NECTIN3: variants seen among roughly 807,000 people sequenced by gnomAD.
NECTIN3 encodes nectin cell adhesion molecule 3, also known as nectin-3.
NECTIN3 carries 8 observed loss-of-function variants against 49.4 expected under a neutral mutation model. That is an observed-to-expected ratio of 0.16 (90% CI 0.10 to 0.29). The LOEUF (loss-of-function observed/expected upper bound fraction) is 0.29, where lower values mean the gene tolerates loss of function less well. Among genes scored for constraint, NECTIN3 ranks in the 10% least tolerant of loss-of-function variants. The pLI is 1.00. For missense variants in NECTIN3, 581 were observed against 654.6 expected (o/e 0.89, Z 1.23); for synonymous variants, 277 against 241.1 (o/e 1.15, Z -1.38).
At position 111,134,061 on chromosome 3, in the gene NECTIN3, A is replaced by G; in HGVS notation, c.1496A>G (p.Glu499Gly). Residue 499 changes from glutamate to glycine, a missense_variant, in exon 6 of 6, where the codon GAA becomes GGA. Coordinates refer to ENST00000485303, the MANE Select transcript of NECTIN3 (RefSeq NM_015480.3). ...EPEKTQWNNVENLNRFERPMD... is the reference protein window; with the variant it reads ...EPEKTQWNNVGNLNRFERPMD... Reference sequence around the variant, plus strand: ...GAAAAAACTCAGTGGAACAATGTAGAAAATCTCAATAGGTTTGAAAGACCA... The same window carrying G: ...GAAAAAACTCAGTGGAACAATGTAGGAAATCTCAATAGGTTTGAAAGACCA... The G allele has an allele frequency of 2.5e-6, 4 of 1,613,652 alleles. No individual in the cohort carries two copies. Among genetic ancestry groups the G allele is most frequent in the Non-Finnish European group, 3.4e-6 (4 of 1,179,700 alleles).
chr3:111,137,307 T>C lies in NECTIN3; in HGVS notation c.*3092T>C, dbSNP rs2034614123. 1.0e-6 allele frequency: 1 copy of C among 970,612 alleles called. No individual in the cohort carries two copies. The highest frequency in any genetic ancestry group is 1.2e-6 in the Non-Finnish European group (1 of 816,744). 60.1% of individuals were successfully genotyped at this position (970,612 alleles called of 1,614,324 possible). The stretch of plus-strand genomic sequence containing the variant: ...AGAGTAGATTGTAGATTGAATTGTC[T>C]TTCCTGTTTACTTGTTAATTAGAAA... On this transcript the variant is annotated 3_prime_UTR_variant, in exon 6 of 6. Coordinates refer to ENST00000485303, the MANE Select transcript of NECTIN3 (RefSeq NM_015480.3).
At chr3:111,174,749 T>C (rs889623321) in intron 7 of NECTIN3, among the ~76,000 whole-genome samples, 4 of 149,280 alleles carry the variant, frequency 2.7e-5, no homozygotes, top group East Asian at 4.1e-4. Context: ...GGGGCGAGCA[T>C]GCAGACAGAC....
chr3:111,181,536 G>A (rs1183868500), intron 7 of NECTIN3, among the ~76,000 whole-genome samples: 1 of 152,044 alleles, frequency 6.6e-6, no homozygotes, highest in East Asian at 1.9e-4. Context: ...TAAGAGCAGT[G>A]TTATTCCTTC....
chr3:111,087,161 C>T (rs1389299992), intron 1 of NECTIN3, among the ~76,000 whole-genome samples: 1 of 152,096 alleles, frequency 6.6e-6, no homozygotes, highest in Non-Finnish European at 1.5e-5. Context: ...TCTATATAAG[C>T]ATGCCATCTA....
Position 111,134,975 on chromosome 3 carries a change from GT to G in NECTIN3, c.*771del, listed in dbSNP as rs573763921. 14,551 of 795,682 alleles carry G rather than the reference GT, an allele frequency of 0.018. 1,265 individuals are homozygous for G. In the African/African-American group the frequency reaches 0.23, roughly 12 times the overall value. 49.3% of individuals were successfully genotyped at this position (795,682 alleles called of 1,614,324 possible). The stretch of plus-strand genomic sequence containing the variant: ...TACCTTTCAAACATGATAATTATTA[GT>G]TTTTTTTTTTCCTTTCTGGAACATG... On this transcript the variant is annotated 3_prime_UTR_variant, in exon 6 of 6. Coordinates refer to ENST00000485303, the MANE Select transcript of NECTIN3 (RefSeq NM_015480.3).
At chr3:111,147,809 T>G (rs988819898) in intron 7 of NECTIN3, among the ~76,000 whole-genome samples, 1 of 152,190 alleles carries the variant, frequency 6.6e-6, no homozygotes, top group Non-Finnish European at 1.5e-5. Flanking sequence ...GTTAATACAG[T>G]TTTATTGACA....
chr3:111,115,510 C>T (rs140371763), intron 2 of NECTIN3, among the ~76,000 whole-genome samples: 93 of 152,300 alleles, frequency 6.1e-4, no homozygotes, highest in Non-Finnish European at 6.6e-4. Context: ...TACAGAATTT[C>T]AGATCCCTCT....
chr3:111,116,893 G>A (rs1426128136), intron 2 of NECTIN3, among the ~76,000 whole-genome samples: 1 of 152,004 alleles, frequency 6.6e-6, no homozygotes, highest in East Asian at 1.9e-4. Flanking sequence ...ACCAGCAGGA[G>A]CTCTAAGATT....
intron 7 of NECTIN3, among the ~76,000 whole-genome samples, chr3:111,159,699 T>C (rs1189000662): frequency 1.3e-5 from 2 of 152,182 alleles, no homozygotes; most frequent in African/African-American, 4.8e-5. Flanking sequence ...AGCTTTCAGC[T>C]TAAAACACTT....
At chr3:111,172,085 C>T (rs1011066288) in intron 7 of NECTIN3, among the ~76,000 whole-genome samples, 53 of 152,300 alleles carry the variant, frequency 3.5e-4, no homozygotes, top group African/African-American at 1.2e-3. Context: ...TAAGACTTTT[C>T]TCCATGAGTT....
rs1664641361 is a variant in NECTIN3 at position 111,071,905 on chromosome 3, G to A, written c.-113G>A. On this transcript the variant is annotated 5_prime_UTR_variant, in exon 1 of 6. Transcript: ENST00000485303. Reference sequence around the variant, plus strand: ...GCCGGCAGCGACGGCGCTAGAGCTGGGAGCTGGGGACGCGCGCGCCGGACC... The same window carrying A: ...GCCGGCAGCGACGGCGCTAGAGCTGAGAGCTGGGGACGCGCGCGCCGGACC... 3.0e-6 allele frequency: 2 copies of A among 659,130 alleles called. No individual in the cohort carries two copies. 40.8% of individuals were successfully genotyped at this position (659,130 alleles called of 1,614,324 possible).
chr3:111,168,780 C>G (rs533802652), intron 7 of NECTIN3, among the ~76,000 whole-genome samples: 2 of 152,190 alleles, frequency 1.3e-5, no homozygotes, highest in Non-Finnish European at 2.9e-5. Flanking sequence ...TAATCACAAT[C>G]GAGGATAGGA....
rs749505808 is a variant in NECTIN3 at position 111,193,334 on chromosome 3, C to T, written c.63+921C>T. 8.9e-5 allele frequency: 136 copies of T among 1,535,732 alleles called. No individual in the cohort carries two copies. In the African/African-American group the frequency reaches 1.4e-3, roughly 16 times the overall value. On this transcript the variant is annotated intron_variant, in intron 1 of 1. Transcript: ENST00000485506. Reference sequence around the variant, plus strand: ...GCCCTGGCAAACATCATCAAAATAACGACCCTAAGAGAGTCTACATCGACC... The same window carrying T: ...GCCCTGGCAAACATCATCAAAATAATGACCCTAAGAGAGTCTACATCGACC...
chr3:111,114,286 T>TG (rs2033597229), intron 2 of NECTIN3, among the ~76,000 whole-genome samples: 2 of 152,168 alleles, frequency 1.3e-5, no homozygotes, highest in Non-Finnish European at 2.9e-5. Context: ...TCTTTCTGCC[T>TG]GGATTGCCTT....
chr3:111,168,256 AAG>A (rs1012213439), intron 7 of NECTIN3, among the ~76,000 whole-genome samples: 2 of 152,258 alleles, frequency 1.3e-5, no homozygotes, highest in African/African-American at 4.8e-5. Context: ...AGGCTTTGCA[AAG>A]AGAGAGAGTA....
At chr3:111,173,032 A>T (rs2035462539) in intron 7 of NECTIN3, among the ~76,000 whole-genome samples, 1 of 152,246 alleles carries the variant, frequency 6.6e-6, no homozygotes, top group East Asian at 1.9e-4. Flanking sequence ...ATTCATTTAG[A>T]AACAGGGCTA....
chr3:111,119,043 TTTTG>T (rs2033830464), intron 3 of NECTIN3, 91 bp downstream of exon 3: 3 of 1,166,580 alleles, frequency 2.6e-6, no homozygotes, highest in South Asian at 1.7e-5. Context: ...TTTTCCTTGT[TTTTG>T]TTTTTCTTTT....
chr3:111,141,696 A>G (rs2034748679), downstream of NECTIN3, among the ~76,000 whole-genome samples: 1 of 151,886 alleles, frequency 6.6e-6, no homozygotes, highest in South Asian at 2.1e-4. Context: ...TACCATTACT[A>G]CTGTGATAAC....
chr3:111,175,397 T>C (rs1332326892), intron 7 of NECTIN3, among the ~76,000 whole-genome samples: 1 of 151,590 alleles, frequency 6.6e-6, no homozygotes, highest in Non-Finnish European at 1.5e-5. Flanking sequence ...GTCTTCTGTT[T>C]GTATCAGTAC....
Sources: gnomAD v4.1 joint callset for allele counts (sites outside exome capture counted in the v4.1 genomes callset) on GRCh38, gnomAD v4.1.1 for gene constraint, MANE v1.5 for transcripts, NCBI Gene and HGNC (gene_info 2026-07-23, HGNC 2026-07-21) for gene names.